Variants in IKZF1 observed in about 807,000 individuals in gnomAD.
IKZF1 encodes the protein IKAROS family zinc finger 1.
Under a neutral mutation model 51.7 loss-of-function variants are expected in IKZF1, and 10 were observed. The observed-to-expected ratio is 0.19, with a 90% CI of 0.12 to 0.33. The LOEUF is 0.33. IKZF1 is among the 10% of genes least tolerant of loss of function. The pLI, the probability that IKZF1 is intolerant of heterozygous loss-of-function variation, is 1.00. For synonymous variants in IKZF1, 280 were observed against 282.3 expected (o/e 0.99, Z 0.08); for missense variants, 484 against 707.5 (o/e 0.68, Z 3.58).
rs998484405 is a variant in IKZF1 at position 50,403,531 on chromosome 7, T to G, written c.*2904T>G. The G allele has an allele frequency of 8.7e-6, 2 of 229,452 alleles. No homozygotes were observed. Among genetic ancestry groups the G allele is most frequent in the Non-Finnish European group, 1.7e-5 (2 of 115,632 alleles). The allele number at this position is 229,452 out of a possible 1,614,324, so 14.2% of individuals were successfully genotyped here. ...CCGCCCCCTCCCTGACACCCCAGCT[T>G]CCCAGGATGTGGAAAGCCTGGATCT... On this transcript the variant is annotated 3_prime_UTR_variant, in exon 8 of 8. Transcript: ENST00000331340.
intron 5 of IKZF1, among the ~76,000 whole-genome samples, chr7:50,384,086 A>C (rs1448836957): frequency 6.6e-6 from 1 of 152,234 alleles, no homozygotes. Flanking sequence ...GTGGAAAGTC[A>C]GGAGAGACTT....
chr7:50,311,886 GA>G (rs922265913), intron 1 of IKZF1, among the ~76,000 whole-genome samples: 6 of 152,032 alleles, frequency 3.9e-5, no homozygotes, highest in African/African-American at 7.3e-5. Context: ...AAAAAATGAA[GA>G]AAAAAACGTT....
intron 3 of IKZF1, among the ~76,000 whole-genome samples, chr7:50,335,530 A>G (rs1797525980): frequency 9.0e-6 from 1 of 111,298 alleles, no homozygotes; most frequent in Non-Finnish European, 1.8e-5. Context: ...TGTGTGGTGC[A>G]TAGTGTGTAT....
chr7:50,380,131 T>C (rs1179613372), intron 4 of IKZF1, among the ~76,000 whole-genome samples: 1 of 152,156 alleles, frequency 6.6e-6, no homozygotes, highest in Non-Finnish European at 1.5e-5. Context: ...ACGTGTCTTC[T>C]TAGCTGTGGA....
intron 3 of IKZF1, among the ~76,000 whole-genome samples, chr7:50,351,545 T>G (rs1314951567): frequency 6.6e-6 from 1 of 152,214 alleles, no homozygotes; most frequent in Non-Finnish European, 1.5e-5. Context: ...CAACAATATC[T>G]TTGCTCAGAA....
chr7:50,405,021 T>G lies in IKZF1; in HGVS notation c.*4394T>G, dbSNP rs1193852179. On this transcript the variant is annotated 3_prime_UTR_variant, in exon 8 of 8. Transcript: ENST00000331340. ...GACTGGGGACTGGGAGACCAAAAATTTCTGATCCCATTTCTGATGGATGTG... is the reference window on the plus strand; with the variant it reads ...GACTGGGGACTGGGAGACCAAAAATGTCTGATCCCATTTCTGATGGATGTG... The G allele has an allele frequency of 1.5e-5, 3 of 200,156 alleles. No homozygotes were observed. Among genetic ancestry groups the G allele is most frequent in the African/African-American group, 6.9e-5 (3 of 43,452 alleles). The allele number at this position is 200,156 out of a possible 1,614,324, so 12.4% of individuals were successfully genotyped here.
intron 3 of IKZF1, among the ~76,000 whole-genome samples, chr7:50,333,104 AG>A (rs1796782365): frequency 6.6e-6 from 1 of 152,066 alleles, no homozygotes; most frequent in Non-Finnish European, 1.5e-5. Context: ...AAAGTAGAAA[AG>A]AAATCTAGGT....
intron 3 of IKZF1, chr7:50,369,508 C>G (rs897212417): frequency 2.3e-5 from 9 of 398,446 alleles, no homozygotes; most frequent in African/African-American, 6.2e-5. Flanking sequence ...CTCTTTCTCT[C>G]CCACTCTCCC....
intron 3 of IKZF1, chr7:50,328,503 T>C (rs1232965986): frequency 6.6e-6 from 1 of 152,192 alleles, no homozygotes; most frequent in African/African-American, 2.4e-5. Context: ...AATGAGCTAA[T>C]GAGTCAACAG....
intron 3 of IKZF1, among the ~76,000 whole-genome samples, chr7:50,329,344 A>G (rs1405335273): frequency 6.6e-6 from 1 of 152,140 alleles, no homozygotes; most frequent in African/African-American, 2.4e-5. Context: ...TGAATTATCT[A>G]CTCTATTCTA....
intron 5 of IKZF1, among the ~76,000 whole-genome samples, chr7:50,384,176 T>C (rs1438912337): frequency 6.6e-6 from 1 of 152,176 alleles, no homozygotes; most frequent in Non-Finnish European, 1.5e-5. Context: ...TCTAAACTAG[T>C]GTGTGAGTCG....
intron 3 of IKZF1, among the ~76,000 whole-genome samples, chr7:50,329,619 T>C (rs1795978921): frequency 1.3e-5 from 2 of 152,210 alleles, no homozygotes; most frequent in South Asian, 4.1e-4. Context: ...GGAATAGTCA[T>C]TGGGTGGTGA....
chr7:50,382,501 TGA>T, intron 4 of IKZF1, 37 bp from the exon 5 acceptor site: 1 of 1,582,600 alleles, frequency 6.3e-7, no homozygotes, highest in South Asian at 1.1e-5. Flanking sequence ...GTCCCCACGC[TGA>T]GTTTAGTTCT....
chr7:50,343,220 C>T (rs1799515126), intron 3 of IKZF1, among the ~76,000 whole-genome samples: 1 of 128,150 alleles, frequency 7.8e-6, no homozygotes, highest in South Asian at 3.1e-4. Flanking sequence ...CTCCCTTCCC[C>T]TCCCCTCCCT....
At chr7:50,327,558 C>T in intron 2 of IKZF1, 80 bp from the exon 3 acceptor site, 1 of 1,480,000 alleles carries the variant, frequency 6.8e-7, no homozygotes, top group East Asian at 2.5e-5. Context: ...CTCATGCCAC[C>T]CTCTCAAGCC....
intron 1 of IKZF1, among the ~76,000 whole-genome samples, chr7:50,305,882 C>T (rs534397196): frequency 3.3e-5 from 5 of 152,124 alleles, no homozygotes; most frequent in Non-Finnish European, 5.9e-5. Flanking sequence ...GCTTTTAAGG[C>T]CAGGTTCAAT....
intron 4 of IKZF1, among the ~76,000 whole-genome samples, chr7:50,382,334 G>GA (rs1161267313): frequency 2.0e-5 from 3 of 151,928 alleles, no homozygotes; most frequent in East Asian, 1.9e-4. Context: ...CTGATTTAGG[G>GA]AAAAAAAATT....
chr7:50,331,912 C>A (rs1796520270), intron 3 of IKZF1, among the ~76,000 whole-genome samples: 3 of 152,234 alleles, frequency 2.0e-5, no homozygotes, highest in Admixed American at 2.0e-4. Context: ...GTGGTCTTTA[C>A]TCTCCTTTTG....
At chr7:50,368,534 T>C in intron 3 of IKZF1, 1 of 576,562 alleles carries the variant, frequency 1.7e-6, no homozygotes, top group Non-Finnish European at 3.1e-6. Flanking sequence ...GAAGAGAAAA[T>C]TGCAGGCCTC....
Sources: allele counts gnomAD v4.1 joint callset (sites outside exome capture counted in the v4.1 genomes callset), GRCh38; gene constraint gnomAD v4.1.1; transcripts MANE v1.5; gene names NCBI Gene and HGNC (gene_info 2026-07-23, HGNC 2026-07-21).